Variants in NOP2 observed in about 807,000 individuals in gnomAD.
The protein encoded by NOP2 is NOP2 nucleolar protein, also known as 28S rRNA (cytosine(4447)-C(5))-methyltransferase.
NOP2 carries 7 observed loss-of-function variants against 72.7 expected under a neutral mutation model. The ratio of observed to expected loss-of-function variants is 0.10; its 90% CI spans 0.05 to 0.18. NOP2 has a LOEUF of 0.18. NOP2 is among the 10% of genes least tolerant of loss of function. The pLI is 1.00. For missense variants in NOP2, 954 were observed against 1,014.7 expected (o/e 0.94, Z 0.81); for synonymous variants, 387 against 388.0 (o/e 1.00, Z 0.03).
intron 3 of NOP2, 78 bp from the exon 4 acceptor site, chr12:6,566,695 A>C: frequency 8.2e-6 from 13 of 1,593,530 alleles, no homozygotes; most frequent in Non-Finnish European, 1.1e-5. Flanking sequence ...CCATAGGGAA[A>C]TGTGAGAGTC....
chr12:6,564,056 T>C, intron 5 of NOP2, 110 bp from the exon 6 acceptor site: 2 of 1,537,666 alleles, frequency 1.3e-6, no homozygotes, highest in Non-Finnish European at 1.7e-6. Flanking sequence ...ACACTTGCTC[T>C]CAGAAGGAAA....
chr12:6,564,151 T>C lies in NOP2; in HGVS notation c.475-205A>G, dbSNP rs941195506. On this transcript the variant is annotated intron_variant, in intron 5 of 15. Transcript: ENST00000322166. ...TAATGAGGGCATGGTGGCACACACC[T>C]GTAAATCCCAGCTACTTGGGAAGCT... 1.5e-5 allele frequency: 22 copies of C among 1,443,004 alleles called. No individual in the cohort carries two copies. In the East Asian group the frequency reaches 6.2e-4, roughly 41 times the overall value. 89.4% of individuals were successfully genotyped at this position (1,443,004 alleles called of 1,614,324 possible). A position where few individuals can be genotyped will look rare whatever the true frequency, so the allele number is the denominator to read the frequency against.
At chr12:6,559,000 C>G (rs994101557) in intron 15 of NOP2, among the ~76,000 whole-genome samples, 2 of 152,144 alleles carry the variant, frequency 1.3e-5, no homozygotes, top group South Asian at 4.1e-4. Flanking sequence ...GCTCGTTGCC[C>G]AGGCTGAAAT....
intron 3 of NOP2, 38 bp from the exon 4 acceptor site, chr12:6,566,655 G>A (rs761306138): frequency 1.0e-5 from 16 of 1,605,168 alleles, no homozygotes; most frequent in Non-Finnish European, 1.4e-5. Context: ...TGAAGAAATG[G>A]GAAGATACTT....
At chr12:6,562,738 A>G (rs1947681866) in intron 9 of NOP2, among the ~76,000 whole-genome samples, 1 of 152,214 alleles carries the variant, frequency 6.6e-6, no homozygotes. Flanking sequence ...CTTGGAAATG[A>G]GTTTAAAATA....
At position 6,563,372 on chromosome 12, in the gene NOP2, G is replaced by A. The variant is rs753247430; in HGVS notation, c.831C>T (p.Tyr277=). 8.1e-6 allele frequency: 13 copies of A among 1,604,432 alleles called. No individual in the cohort carries two copies. Among genetic ancestry groups the A allele is most frequent in the Non-Finnish European group, 1.1e-5 (13 of 1,175,544 alleles). ...CAAGCAGGAAGTCTCCATAGGAGTA[G>A]TAAATGGCCAGATCCTTCTTGAGCC... ...LNRLKKDLAI[Y]YSYGDFLLGK... The change falls in exon 8 of 16, where the codon TAC becomes TAT. Residue 277 remains tyrosine, a synonymous_variant. Coordinates refer to ENST00000322166, the MANE Select transcript of NOP2 (RefSeq NM_001258308.2).
Position 6,561,041 on chromosome 12 carries a change from G to A in NOP2, c.1237C>T (p.Leu413Phe). 1 of 1,613,998 alleles carries A rather than the reference G, an allele frequency of 6.2e-7. No individual in the cohort carries two copies. Among genetic ancestry groups the A allele is most frequent in the Non-Finnish European group, 8.5e-7 (1 of 1,179,898 alleles). The change falls in exon 12 of 16, where the codon CTT (leucine) becomes TTT (phenylalanine). Residue 413 changes from leucine (L) to phenylalanine (F), a missense_variant. Physicochemically the swap from Leu to Phe is conservative, Grantham distance 22 (BLOSUM62 0). Coordinates refer to ENST00000322166, the MANE Select transcript of NOP2 (RefSeq NM_001258308.2). ...CGCTCAGCATTGGCGTCATTGGCAA[G>A]GATCACACCCGTGTTCTTCATCAGC... is the stretch of plus-strand genomic sequence containing the variant. Reference protein sequence around the residue: ...AQLMKNTGVILANDANAERLK... With the variant: ...AQLMKNTGVIFANDANAERLK...
Position 6,567,762 on chromosome 12 carries a change from T to C in NOP2, c.103+54A>G, listed in dbSNP as rs1947819245. On this transcript the variant is annotated intron_variant, in intron 2 of 15. Transcript: ENST00000322166. ...AGAAACTAAAAAAGAGAAGAGGTTA[T>C]AATACAGAATACTGCAAAAGCTGAG... is the stretch of plus-strand genomic sequence containing the variant. 62 of 1,351,770 alleles carry C rather than the reference T, an allele frequency of 4.6e-5. No individual in the cohort carries two copies. The South Asian group carries it at 6.5e-4, about 14-fold the overall frequency. 83.7% of individuals were successfully genotyped at this position (1,351,770 alleles called of 1,614,324 possible). A position where few individuals can be genotyped will look rare whatever the true frequency, so the allele number is the denominator to read the frequency against.
Position 6,557,710 on chromosome 12 carries a change from T to C in NOP2, c.1790-68A>G. 3 of 1,467,964 alleles carry C rather than the reference T, an allele frequency of 2.0e-6. No individual in the cohort carries two copies. In the Admixed American group the frequency reaches 7.7e-5, roughly 38 times the overall value. The allele number at this position is 1,467,964 out of a possible 1,614,324, so 90.9% of individuals were successfully genotyped here. A position where few individuals can be genotyped will look rare whatever the true frequency, so the allele number is the denominator to read the frequency against. On this transcript the variant is annotated intron_variant, in intron 15 of 15. Coordinates refer to ENST00000322166, the MANE Select transcript of NOP2 (RefSeq NM_001258308.2). ...ATCACCATATTTTAATATTCTCATA[T>C]TAAAATATGAGAATTGCCATTTCCT...
At position 6,560,374 on chromosome 12, in the gene NOP2, G is replaced by C. The variant is rs760586044; in HGVS notation, c.1561-48C>G. The C allele has an allele frequency of 1.0e-5, 16 of 1,605,920 alleles. No individual in the cohort carries two copies. The highest frequency in any genetic ancestry group is 1.1e-5 in the Non-Finnish European group (13 of 1,173,998). On this transcript the variant is annotated intron_variant, in intron 14 of 15. Transcript: ENST00000322166. The surrounding 1 kb of genome is among the most constrained non-coding windows in gnomAD (Gnocchi z 5.0). The stretch of plus-strand genomic sequence containing the variant: ...GAACGGAGGAAAAAGCAGAGCTGGA[G>C]CTGAAGGGAGCTCTAAGGGGCAAAG...
At chr12:6,558,189 AG>A (rs1243926562) in intron 15 of NOP2, 2 of 364,938 alleles carry the variant, frequency 5.5e-6, no homozygotes, top group Admixed American at 7.7e-5. Flanking sequence ...TTGGGCCAAA[AG>A]GTTTCTACAG....
At chr12:6,566,878 T>C in intron 2 of NOP2, 56 bp from the exon 3 acceptor site, 1 of 1,422,538 alleles carries the variant, frequency 7.0e-7, no homozygotes, top group East Asian at 2.4e-5. Context: ...TAAAAATAAA[T>C]GGGAACGGAA....
At chr12:6,565,933 T>C (rs538929606) in intron 5 of NOP2, among the ~76,000 whole-genome samples, 168 bp downstream of exon 5, 3 of 131,440 alleles carry the variant, frequency 2.3e-5, no homozygotes, top group African/African-American at 1.2e-4. Context: ...CTTTCAAACT[T>C]GTAGTGCACT....
chr12:6,563,319 G>C lies in NOP2; in HGVS notation c.884C>G (p.Ser295Cys). The change falls in exon 8 of 16, where the codon TCT (serine) becomes TGT (cysteine). Residue 295 changes from serine to cysteine, a missense_variant. Around this residue, in one of 3 missense-constraint regions of NOP2, gnomAD observed 498 missense variants for 478.3 expected, o/e 1.04. Transcript: ENST00000322166. ...LGKLMDLFPLSELVEFLEANE... is the reference protein window; with the variant it reads ...LGKLMDLFPLCELVEFLEANE... Reference sequence around the variant, plus strand: ...GGCATTCTGGCAATCCAGTACCTCAGACAGAGGGAAGAGGTCCATGAGCTT... The same window carrying C: ...GGCATTCTGGCAATCCAGTACCTCACACAGAGGGAAGAGGTCCATGAGCTT... 1 of 1,590,804 alleles carries C rather than the reference G, an allele frequency of 6.3e-7. No individual in the cohort carries two copies. The highest frequency in any genetic ancestry group is 1.8e-5 in the Admixed American group (1 of 56,160).
chr12:6,560,399 G>C lies in NOP2; in HGVS notation c.1560+48C>G. The C allele has an allele frequency of 1.3e-6, 2 of 1,597,854 alleles. No individual in the cohort carries two copies. The highest frequency in any genetic ancestry group is 1.3e-5 in the African/African-American group (1 of 74,346). On this transcript the variant is annotated intron_variant, in intron 14 of 15. Transcript: ENST00000322166. The surrounding 1 kb of genome is among the most constrained non-coding windows in gnomAD (Gnocchi z 5.0). ...GCTGAAGGGAGCTCTAAGGGGCAAA[G>C]AGCCCCCCAGCCCAGCCTCCCCTGC...
Position 6,559,341 on chromosome 12 carries a change from G to T in NOP2, c.1789+757C>A, listed in dbSNP as rs572340259. 1.3e-4 allele frequency among the ~76,000 whole-genome samples: 20 copies of T among 152,202 alleles called. No homozygotes were observed. In the South Asian group the frequency reaches 3.9e-3, roughly 30 times the overall value. On this transcript the variant is annotated intron_variant, in intron 15 of 15. Coordinates refer to ENST00000322166, the MANE Select transcript of NOP2 (RefSeq NM_001258308.2). ...TCACTGTGTTAGCCAGGATGGTCTC[G>T]ATCTCCTGACCTCGTGATCCACCCG...
Position 6,563,086 on chromosome 12 carries a change from C to T in NOP2, c.973G>A (p.Ala325Thr), listed in dbSNP as rs1333573428. ...NTLKTRRRDLAQALINRGVNL... is the reference protein window; with the variant it reads ...NTLKTRRRDLTQALINRGVNL... ...CCTCAAAGGCCACCCCTCACCTGTG[C>T]AAGGTCTCGGCGTCGGGTTTTCAAG... Residue 325 changes from alanine to threonine, a missense_variant, in exon 9 of 16, where the codon GCA (alanine) becomes ACA (threonine). This residue lies in a region of NOP2 where 498 missense variants were observed against 478.3 expected (regional missense o/e 1.04). Coordinates refer to ENST00000322166, the MANE Select transcript of NOP2 (RefSeq NM_001258308.2). The T allele has an allele frequency of 6.3e-7, 1 of 1,583,356 alleles. No homozygotes were observed. The highest frequency in any genetic ancestry group is 8.6e-7 in the Non-Finnish European group (1 of 1,164,840).
chr12:6,568,184 C>T (rs924670896), intron 1 of NOP2, 23 bp downstream of exon 1: 3 of 486,778 alleles, frequency 6.2e-6, no homozygotes, highest in Non-Finnish European at 1.1e-5. Flanking sequence ...CACTCTTCGT[C>T]CCCCAATTTC....
At chr12:6,559,104 CGTA>C (rs1947580811) in intron 15 of NOP2, among the ~76,000 whole-genome samples, 1 of 151,930 alleles carries the variant, frequency 6.6e-6, no homozygotes, top group Admixed American at 6.6e-5. Context: ...ACTACAGGCA[CGTA>C]CCACCACACC....
Sources: gnomAD v4.1 joint callset for allele counts (sites outside exome capture counted in the v4.1 genomes callset) on GRCh38, gnomAD v4.1.1 for gene constraint, gnomAD v4.1.1 regional missense constraint, Gnocchi (gnomAD v3.1) non-coding constraint, MANE v1.5 for transcripts, NCBI Gene and HGNC (gene_info 2026-07-23, HGNC 2026-07-21) for gene names.